The following NHSL2 variants were observed in gnomAD, a reference collection of about 807,000 sequenced individuals.
NHSL2 encodes NHS-like protein 2.
In NHSL2, 27 loss-of-function variants were observed where a neutral mutation model predicts 53.4. The ratio of observed to expected loss-of-function variants is 0.51; its 90% CI spans 0.37 to 0.70. NHSL2 has a LOEUF of 0.70. Ranked by LOEUF, NHSL2 falls within the 30% of genes least tolerant of loss-of-function variation. The probability of loss-of-function intolerance (pLI) is 0.00; values close to 1 mark genes in which losing one functional copy is unlikely to be tolerated. For missense variants in NHSL2, 892 were observed against 980.1 expected (o/e 0.91, Z 1.20); for synonymous variants, 408 against 404.1 (o/e 1.01, Z -0.12).
chrX:71,920,662 C>T (rs2041652919), intron 1 of NHSL2, among the ~76,000 whole-genome samples: 1 of 111,517 alleles, frequency 9.0e-6, no homozygotes, highest in Admixed American at 9.5e-5. Flanking sequence ...TATTTGAACA[C>T]GCAATCCTTT....
chrX:71,962,322 C>G (rs1286951215), intron 1 of NHSL2, among the ~76,000 whole-genome samples: 1 of 111,614 alleles, frequency 9.0e-6, no homozygotes, highest in African/African-American at 3.3e-5. Flanking sequence ...ATGCTGCCCT[C>G]AGAGAATAAG....
At chrX:72,039,299 A>C (rs1384056724) in intron 1 of NHSL2, among the ~76,000 whole-genome samples, 5 of 110,993 alleles carry the variant, frequency 4.5e-5, no homozygotes, top group Non-Finnish European at 9.4e-5. Flanking sequence ...TTTGAGATTT[A>C]TCCATGTTGA....
chrX:72,085,117 C>G (rs758242583), intron 1 of NHSL2, among the ~76,000 whole-genome samples: 1 of 111,533 alleles, frequency 9.0e-6, no homozygotes, highest in Non-Finnish European at 1.9e-5. Flanking sequence ...ATTGTCCTCA[C>G]CCTAAACATA....
chrX:72,006,158 T>TC (rs2042093723), intron 1 of NHSL2, among the ~76,000 whole-genome samples: 1 of 112,283 alleles, frequency 8.9e-6, no homozygotes, highest in Middle Eastern at 4.2e-3. Context: ...GCAATCTCCT[T>TC]ACTGGCCTCC....
intron 1 of NHSL2, among the ~76,000 whole-genome samples, chrX:71,958,836 G>A (rs2041854910): frequency 8.9e-6 from 1 of 111,998 alleles, no homozygotes; most frequent in African/African-American, 3.2e-5. Flanking sequence ...AATTTTATAA[G>A]TTGGAATTAT....
At chrX:72,122,650 G>A (rs2042190395) in intron 1 of NHSL2, among the ~76,000 whole-genome samples, 1 of 112,037 alleles carries the variant, frequency 8.9e-6, no homozygotes, top group African/African-American at 3.2e-5. Flanking sequence ...CAAGCCCAGT[G>A]GAGGTCACTC....
At chrX:72,120,288 T>C (rs1023471790) in intron 1 of NHSL2, among the ~76,000 whole-genome samples, 1 of 112,452 alleles carries the variant, frequency 8.9e-6, no homozygotes, top group Non-Finnish European at 1.9e-5. Context: ...CTTTAAATGT[T>C]TGGAAGAATT....
rs948977870 is a variant in NHSL2, at chrX:72,079,274, G to A, written c.281-52805G>A. 4.4e-5 allele frequency among the ~76,000 whole-genome samples: 5 copies of A among 112,846 alleles called. No individual in the cohort carries two copies. In the East Asian group the frequency reaches 1.4e-3, roughly 31 times the overall value. On this transcript the variant is annotated intron_variant, in intron 1 of 7. Transcript: ENST00000633930. ...CAAGATATGTTTTCAGTGTTTGAAA[G>A]CCAGTGATTCTCTTGTGCTTTGTGC...
intron 1 of NHSL2, among the ~76,000 whole-genome samples, chrX:72,057,430 C>T (rs952564011): frequency 1.8e-5 from 2 of 111,320 alleles, no homozygotes; most frequent in African/African-American, 6.5e-5. Flanking sequence ...TTCTTTTTTC[C>T]CTCAACCCTC....
intron 1 of NHSL2, among the ~76,000 whole-genome samples, chrX:72,043,935 A>C (rs1344083413): frequency 8.9e-6 from 1 of 111,976 alleles, no homozygotes; most frequent in Non-Finnish European, 1.9e-5. Flanking sequence ...TTGTTCTGCC[A>C]AAGTTTATTG....
intron 1 of NHSL2, among the ~76,000 whole-genome samples, chrX:71,983,260 T>C (rs937638785): frequency 2.7e-5 from 3 of 111,143 alleles, no homozygotes; most frequent in Non-Finnish European, 3.8e-5. Flanking sequence ...TAAAAAGCCA[T>C]TGAATTGTCT....
At chrX:71,947,455 A>G (rs967320076) in intron 1 of NHSL2, among the ~76,000 whole-genome samples, 1 of 112,715 alleles carries the variant, frequency 8.9e-6, no homozygotes, top group African/African-American at 3.2e-5. Context: ...CATGTGCTAT[A>G]CAACAGATTG....
rs758166598 is a variant in NHSL2 at position 72,054,694 on chromosome X, T to C, written c.281-77385T>C. Among the ~76,000 whole-genome samples, 4 of 112,093 alleles carry C rather than the reference T, an allele frequency of 3.6e-5. No homozygotes were observed. The South Asian group carries it at 1.5e-3, about 42-fold the overall frequency. ...TTTTTTTAAATGATGCTGCCAAATA[T>C]GTTGACATTTTCCTTTGTGATTTTA... On this transcript the variant is annotated intron_variant, in intron 1 of 7. Coordinates refer to ENST00000633930, the MANE Select transcript of NHSL2 (RefSeq NM_001013627.3).
At chrX:72,074,145 C>T (rs913991133) in intron 1 of NHSL2, among the ~76,000 whole-genome samples, 16 of 109,716 alleles carry the variant, frequency 1.5e-4, no homozygotes, top group Admixed American at 3.9e-4. Context: ...CGCAAGCAAC[C>T]GAATCAGCAC....
At chrX:72,027,552 G>A (rs768694156) in intron 1 of NHSL2, 1 of 111,237 alleles carries the variant, frequency 9.0e-6, no homozygotes, top group Non-Finnish European at 1.9e-5. Context: ...TCTCTCCTCC[G>A]TCCTTCGTCT....
At chrX:71,928,787 A>G (rs1437310665) in intron 1 of NHSL2, among the ~76,000 whole-genome samples, 2 of 111,327 alleles carry the variant, frequency 1.8e-5, no homozygotes, top group African/African-American at 6.5e-5. Context: ...CCTTCATAGC[A>G]TAGATAGGGA....
intron 1 of NHSL2, among the ~76,000 whole-genome samples, chrX:72,092,928 T>C (rs1164228466): frequency 1.8e-5 from 2 of 112,534 alleles, no homozygotes; most frequent in Non-Finnish European, 3.7e-5. Context: ...TCCCTTGCAG[T>C]GTTGTTATGA....
At chrX:71,940,456 G>C (rs773651518) in intron 1 of NHSL2, among the ~76,000 whole-genome samples, 193 of 111,594 alleles carry the variant, frequency 1.7e-3, no homozygotes, top group African/African-American at 6.1e-3. Flanking sequence ...TGGGAGAAGA[G>C]AGGGCATGCT....
At chrX:72,001,095 C>G (rs1364740822) in intron 1 of NHSL2, among the ~76,000 whole-genome samples, 1 of 112,261 alleles carries the variant, frequency 8.9e-6, no homozygotes, top group Admixed American at 9.4e-5. Flanking sequence ...TAAGATGCCC[C>G]TTTCAGTCAT....
Sources: allele counts gnomAD v4.1 joint callset (sites outside exome capture counted in the v4.1 genomes callset), GRCh38; gene constraint gnomAD v4.1.1; transcripts MANE v1.5; gene names NCBI Gene and HGNC (gene_info 2026-07-23, HGNC 2026-07-21).